WWC2: variants seen among roughly 807,000 people sequenced by gnomAD.
The protein encoded by WWC2 is protein WWC2.
A neutral mutation model predicts 138.5 loss-of-function variants in WWC2; 101 were observed. That is an observed-to-expected ratio of 0.73 (90% CI 0.62 to 0.86). The LOEUF (loss-of-function observed/expected upper bound fraction) is 0.86, where lower values mean the gene tolerates loss of function less well. Among genes scored for constraint, WWC2 ranks in the 40% least tolerant of loss-of-function variants. The pLI, the probability that WWC2 is intolerant of heterozygous loss-of-function variation, is 0.00. For missense variants in WWC2, 1,420 were observed against 1,419.4 expected (o/e 1.00, Z -0.01); for synonymous variants, 558 against 538.4 (o/e 1.04, Z -0.50).
intron 5 of WWC2, among the ~76,000 whole-genome samples, chr4:183,245,207 A>G (rs1185431862): frequency 6.8e-6 from 1 of 147,306 alleles, no homozygotes; most frequent in Non-Finnish European, 1.5e-5. Flanking sequence ...AGCCTGGGCG[A>G]CAGAACAAGA....
chr4:183,199,635 A>G (rs1288720476), intron 2 of WWC2, among the ~76,000 whole-genome samples: 1 of 152,226 alleles, frequency 6.6e-6, no homozygotes, highest in Non-Finnish European at 1.5e-5. Flanking sequence ...ACTTATATTC[A>G]TTTGATTTAT....
chr4:183,284,476 G>A, intron 19 of WWC2, 86 bp downstream of exon 19: 1 of 1,461,548 alleles, frequency 6.8e-7, no homozygotes, highest in Non-Finnish European at 9.2e-7. Flanking sequence ...ACAAGAGACT[G>A]TGCACTGGGA....
rs1026591561 is a variant in WWC2 at position 183,317,011 on chromosome 4, C to G, written c.*1282C>G. On this transcript the variant is annotated 3_prime_UTR_variant, in exon 23 of 23. Coordinates refer to ENST00000403733, the MANE Select transcript of WWC2 (RefSeq NM_024949.6). ...ACACAGATCCTCAGTGCAGCTCTGC[C>G]AGCATCAAGGCTTTTAAAATATGTA... is the stretch of plus-strand genomic sequence containing the variant. 32 of 152,158 alleles carry G rather than the reference C, an allele frequency of 2.1e-4. No homozygotes were observed. Among genetic ancestry groups the G allele is most frequent in the African/African-American group, 7.7e-4 (32 of 41,432 alleles). 9.4% of individuals were successfully genotyped at this position (152,158 alleles called of 1,614,324 possible).
At chr4:183,217,792 A>G (rs1735797689) in intron 4 of WWC2, among the ~76,000 whole-genome samples, 1 of 152,206 alleles carries the variant, frequency 6.6e-6, no homozygotes, top group African/African-American at 2.4e-5. Context: ...CTGTGGTTCA[A>G]TATCAGATAG....
At chr4:183,313,423 G>GT (rs1739330149) in intron 22 of WWC2, among the ~76,000 whole-genome samples, 1 of 152,050 alleles carries the variant, frequency 6.6e-6, no homozygotes, top group African/African-American at 2.4e-5. Context: ...TGGGAGGTTT[G>GT]TGGGGGGCAG....
Position 183,289,624 on chromosome 4 carries a change from G to A in WWC2, c.3373G>A (p.Ala1125Thr), listed in dbSNP as rs1738372466. The A allele has an allele frequency of 2.5e-6, 4 of 1,613,854 alleles. No individual in the cohort carries two copies. Among genetic ancestry groups the A allele is most frequent in the Non-Finnish European group, 3.4e-6 (4 of 1,179,848 alleles). ...DERFQRLLKQ[A>T]EKQAEQSKEE... ...GAGGTTCCAGAGGCTTCTGAAGCAA[G>A]CTGAGAAGCAGGTACGCAGCTCAGG... is the stretch of plus-strand genomic sequence containing the variant. The change falls in exon 21 of 23, where the codon GCT (alanine) becomes ACT (threonine). Residue 1125 changes from alanine (A) to threonine (T), a missense_variant. Ala to Thr is a moderately conservative substitution (Grantham distance 58, BLOSUM62 0). Transcript: ENST00000403733.
chr4:183,099,880 G>T (rs866316133), intron 1 of WWC2, among the ~76,000 whole-genome samples: 1 of 152,180 alleles, frequency 6.6e-6, no homozygotes, highest in Non-Finnish European at 1.5e-5. Context: ...GACGCCGCGC[G>T]CCAGGCTAAC....
rs573887393 is a variant in WWC2, at chr4:183,209,378, C to A, written c.522+353C>A. 1.6e-4 allele frequency among the ~76,000 whole-genome samples: 25 copies of A among 152,282 alleles called. 1 individual carries two copies. In the South Asian group the frequency reaches 5.2e-3, roughly 32 times the overall value. On this transcript the variant is annotated intron_variant, in intron 4 of 22. Transcript: ENST00000403733. ...GAGTAGCTGGGATTACAGGCGCGTG[C>A]CACTATGCACAACTAATTTTAGTAT...
chr4:183,227,933 GTC>G (rs1267045120), intron 4 of WWC2, among the ~76,000 whole-genome samples: 1 of 151,960 alleles, frequency 6.6e-6, no homozygotes, highest in Non-Finnish European at 1.5e-5. Context: ...GGGCAAATGA[GTC>G]TAATATAAGA....
At chr4:183,140,806 C>T (rs549226895) in intron 1 of WWC2, among the ~76,000 whole-genome samples, 1 of 152,240 alleles carries the variant, frequency 6.6e-6, no homozygotes, top group African/African-American at 2.4e-5. Context: ...AAAGCCACAG[C>T]CTTTACTGAA....
chr4:183,307,111 G>A (rs1739048482), intron 21 of WWC2, among the ~76,000 whole-genome samples: 1 of 152,110 alleles, frequency 6.6e-6, no homozygotes, highest in Admixed American at 6.5e-5. Flanking sequence ...CACAGTCCAG[G>A]CCATAAGATA....
chr4:183,144,133 C>G (rs376026393), intron 1 of WWC2, among the ~76,000 whole-genome samples: 1 of 152,200 alleles, frequency 6.6e-6, no homozygotes, highest in Admixed American at 6.5e-5. Context: ...ATGTCACTTG[C>G]ATTTCTTCAG....
At chr4:183,109,667 G>A (rs1480875296) in intron 1 of WWC2, among the ~76,000 whole-genome samples, 1 of 152,162 alleles carries the variant, frequency 6.6e-6, no homozygotes, top group Non-Finnish European at 1.5e-5. Context: ...ATGCTTGCTC[G>A]CACCACACAC....
intron 1 of WWC2, among the ~76,000 whole-genome samples, chr4:183,099,830 A>ACCCTGCGACACG (rs138310557): frequency 0.038 from 5,791 of 151,418 alleles, 124 homozygotes; most frequent in South Asian, 0.044. Context: ...CCCTCCGGGG[A>ACCCTGCGACACG]CCCGGCCCCG....
chr4:183,135,115 G>T lies in WWC2; in HGVS notation c.131+35493G>T, dbSNP rs902373282. 6.6e-5 allele frequency among the ~76,000 whole-genome samples: 10 copies of T among 151,694 alleles called. 1 individual carries two copies. Among genetic ancestry groups the T allele is most frequent in the African/African-American group, 1.9e-4 (8 of 41,332 alleles). Reference sequence around the variant, plus strand: ...TTTTTTGTATTTTTAGTAGAGATGGGGTTTCACCATGTTGGCTAGACTCGA... The same window carrying T: ...TTTTTTGTATTTTTAGTAGAGATGGTGTTTCACCATGTTGGCTAGACTCGA... On this transcript the variant is annotated intron_variant, in intron 1 of 22. Coordinates refer to ENST00000403733, the MANE Select transcript of WWC2 (RefSeq NM_024949.6).
At chr4:183,160,629 T>C (rs1733936932) in intron 1 of WWC2, among the ~76,000 whole-genome samples, 1 of 152,168 alleles carries the variant, frequency 6.6e-6, no homozygotes, top group South Asian at 2.1e-4. Flanking sequence ...ATCAGTTTGG[T>C]TAGCATTAAG....
intron 1 of WWC2, among the ~76,000 whole-genome samples, chr4:183,180,152 A>G (rs1734583970): frequency 6.6e-6 from 1 of 152,186 alleles, no homozygotes; most frequent in African/African-American, 2.4e-5. Flanking sequence ...AAGATGTTCC[A>G]GGTGGAGGGA....
Position 183,289,042 on chromosome 4 carries a change from T to G in WWC2, c.3142-351T>G, listed in dbSNP as rs954197001. On this transcript the variant is annotated intron_variant, in intron 20 of 22. Transcript: ENST00000403733. Reference sequence around the variant, plus strand: ...CTCTGTGGTATAAAACAATAAAGGTTTATTTCTTGCCTAGCTACTGGTTCA... The same window carrying G: ...CTCTGTGGTATAAAACAATAAAGGTGTATTTCTTGCCTAGCTACTGGTTCA... Among the ~76,000 whole-genome samples, 32 of 152,226 alleles carry G rather than the reference T, an allele frequency of 2.1e-4. 1 individual carries two copies. Among genetic ancestry groups the G allele is most frequent in the African/African-American group, 6.8e-4 (28 of 41,456 alleles).
chr4:183,254,673 G>A (rs1737082940), intron 9 of WWC2, among the ~76,000 whole-genome samples: 1 of 152,228 alleles, frequency 6.6e-6, no homozygotes, highest in Non-Finnish European at 1.5e-5. Context: ...CCTGGGTCCA[G>A]GCCTTGATGG....
Sources: gnomAD v4.1 joint callset for allele counts (sites outside exome capture counted in the v4.1 genomes callset) on GRCh38, gnomAD v4.1.1 for gene constraint, MANE v1.5 for transcripts, NCBI Gene and HGNC (gene_info 2026-07-23, HGNC 2026-07-21) for gene names.